KCNH7: variants seen among roughly 807,000 people sequenced by gnomAD.
KCNH7 encodes potassium voltage-gated channel subfamily H member 7, also known as voltage-gated inwardly rectifying potassium channel KCNH7.
A neutral mutation model predicts 120.8 loss-of-function variants in KCNH7; 49 were observed. That is an observed-to-expected ratio of 0.41 (90% CI 0.32 to 0.51). The LOEUF is 0.51. Among genes scored for constraint, KCNH7 ranks in the 20% least tolerant of loss-of-function variants. The probability of loss-of-function intolerance (pLI) is 0.38; values close to 1 mark genes in which losing one functional copy is unlikely to be tolerated. For missense variants in KCNH7, 1,097 were observed against 1,446.6 expected (o/e 0.76, Z 3.92); for synonymous variants, 547 against 516.1 (o/e 1.06, Z -0.81).
intron 2 of KCNH7, among the ~76,000 whole-genome samples, chr2:162,718,585 A>T (rs1380993474): frequency 6.6e-6 from 1 of 151,966 alleles, no homozygotes; most frequent in Non-Finnish European, 1.5e-5. Context: ...CTTTTCACTG[A>T]TGGCTCATAA....
chr2:162,567,689 T>G (rs1693306185), intron 2 of KCNH7, among the ~76,000 whole-genome samples: 1 of 152,024 alleles, frequency 6.6e-6, no homozygotes, highest in Non-Finnish European at 1.5e-5. Context: ...GAATAGTGCC[T>G]GGCACACAGT....
chr2:162,378,144 A>G (rs1686280411), intron 14 of KCNH7, among the ~76,000 whole-genome samples: 1 of 152,178 alleles, frequency 6.6e-6, no homozygotes, highest in African/African-American at 2.4e-5. Context: ...TTGTTAATCA[A>G]TTTTTACCTA....
intron 2 of KCNH7, among the ~76,000 whole-genome samples, chr2:162,584,202 A>G (rs766787477): frequency 6.6e-6 from 1 of 152,132 alleles, no homozygotes; most frequent in Non-Finnish European, 1.5e-5. Flanking sequence ...CTAATACCAT[A>G]TGCTGTTTGA....
chr2:162,655,581 T>C (rs1684722887), intron 2 of KCNH7, among the ~76,000 whole-genome samples: 1 of 151,440 alleles, frequency 6.6e-6, no homozygotes, highest in East Asian at 2.0e-4. Flanking sequence ...GGTCAAGAGA[T>C]CGAGACCATC....
At chr2:162,522,450 G>T (rs1292857726) in intron 3 of KCNH7, among the ~76,000 whole-genome samples, 1 of 151,778 alleles carries the variant, frequency 6.6e-6, no homozygotes, top group Non-Finnish European at 1.5e-5. Flanking sequence ...ATGTTATATT[G>T]CATTACAGAT....
chr2:162,462,342 G>A (rs1338891123), intron 6 of KCNH7, among the ~76,000 whole-genome samples: 6 of 152,226 alleles, frequency 3.9e-5, no homozygotes, highest in African/African-American at 7.2e-5. Context: ...AAGCAATTTA[G>A]AGTGTTTCAT....
chr2:162,608,543 T>C (rs1682857867), intron 2 of KCNH7, among the ~76,000 whole-genome samples: 1 of 152,162 alleles, frequency 6.6e-6, no homozygotes, highest in South Asian at 2.1e-4. Context: ...TATTTAGCAT[T>C]AGGAGAAAGG....
intron 6 of KCNH7, among the ~76,000 whole-genome samples, chr2:162,498,473 A>G (rs961262072): frequency 4.6e-5 from 5 of 108,986 alleles, no homozygotes; most frequent in Admixed American, 1.5e-4. Context: ...CCACTGCCCA[A>G]TGTGGACTCT....
At chr2:162,429,314 TTCA>T (rs1267407928) in intron 8 of KCNH7, among the ~76,000 whole-genome samples, 1 of 151,454 alleles carries the variant, frequency 6.6e-6, no homozygotes, top group Non-Finnish European at 1.5e-5. Flanking sequence ...AACCTGCACA[TTCA>T]TTGACATTAT....
intron 5 of KCNH7, among the ~76,000 whole-genome samples, chr2:162,512,443 G>A (rs968703525): frequency 6.6e-6 from 1 of 151,702 alleles, no homozygotes; most frequent in African/African-American, 2.4e-5. Flanking sequence ...ATTCTTGCAG[G>A]CAAAAGGAGC....
At chr2:162,761,831 T>C (rs1688977634) in intron 2 of KCNH7, among the ~76,000 whole-genome samples, 1 of 152,114 alleles carries the variant, frequency 6.6e-6, no homozygotes, top group South Asian at 2.1e-4. Context: ...AGTCTATAGA[T>C]CCAGCTGCTT....
At chr2:162,813,738 C>G (rs895479074) in intron 2 of KCNH7, among the ~76,000 whole-genome samples, 2 of 152,008 alleles carry the variant, frequency 1.3e-5, no homozygotes, top group African/African-American at 4.8e-5. Context: ...TAAACCATGC[C>G]CTAGCTTTAT....
At chr2:162,819,415 G>A (rs1685023968) in intron 2 of KCNH7, among the ~76,000 whole-genome samples, 1 of 152,178 alleles carries the variant, frequency 6.6e-6, no homozygotes, top group Admixed American at 6.5e-5. Context: ...CAGACAAAAT[G>A]TGCAGCACCC....
chr2:162,613,493 G>A (rs145551872), intron 2 of KCNH7, among the ~76,000 whole-genome samples: 2 of 151,962 alleles, frequency 1.3e-5, no homozygotes, highest in East Asian at 1.9e-4. Context: ...TATCCCCGAA[G>A]CCTGTTGTTG....
intron 12 of KCNH7, among the ~76,000 whole-genome samples, chr2:162,390,758 A>G (rs1401972687): frequency 6.6e-6 from 1 of 151,818 alleles, no homozygotes; most frequent in African/African-American, 2.4e-5. Context: ...TTCTACCTGC[A>G]CTTACAAGTC....
chr2:162,371,796 T>TA lies in KCNH7; in HGVS notation c.*32dup. The TA allele has an allele frequency of 6.3e-7, 1 of 1,580,592 alleles. No homozygotes were observed. Among genetic ancestry groups the TA allele is most frequent in the South Asian group, 1.1e-5 (1 of 88,786 alleles). ...AAGGAAAACAGCCATTAAAAGCACT[T>TA]ACATTGTATGTGGAGTAAATAGTAC... is the stretch of plus-strand genomic sequence containing the variant. On this transcript the variant is annotated 3_prime_UTR_variant, in exon 16 of 16. Coordinates refer to ENST00000332142, the MANE Select transcript of KCNH7 (RefSeq NM_033272.4).
At chr2:162,409,873 A>G (rs1385665327) in intron 9 of KCNH7, among the ~76,000 whole-genome samples, 2 of 152,028 alleles carry the variant, frequency 1.3e-5, no homozygotes, top group African/African-American at 2.4e-5. Context: ...ACAGCTTTCA[A>G]GGAGGTGAAA....
At chr2:162,579,537 G>A (rs1693804625) in intron 2 of KCNH7, among the ~76,000 whole-genome samples, 1 of 151,998 alleles carries the variant, frequency 6.6e-6, no homozygotes, top group African/African-American at 2.4e-5. Flanking sequence ...CCTAGTGTTT[G>A]ACATACGGGT....
At chr2:162,760,931 C>T (rs1221979984) in intron 2 of KCNH7, among the ~76,000 whole-genome samples, 7 of 152,080 alleles carry the variant, frequency 4.6e-5, no homozygotes, top group Non-Finnish European at 7.4e-5. Context: ...ACATTATTTA[C>T]GTGTAGAATA....
Sources: allele counts gnomAD v4.1 joint callset (sites outside exome capture counted in the v4.1 genomes callset), GRCh38; gene constraint gnomAD v4.1.1; transcripts MANE v1.5; gene names NCBI Gene and HGNC (gene_info 2026-07-23, HGNC 2026-07-21).